Variants in TPM3 observed in about 807,000 individuals in gnomAD.
The protein encoded by TPM3 is tropomyosin alpha-3 chain.
Under a neutral mutation model 43.1 loss-of-function variants are expected in TPM3, and 16 were observed. The ratio of observed to expected loss-of-function variants is 0.37; its 90% CI spans 0.25 to 0.56. The LOEUF (loss-of-function observed/expected upper bound fraction) is 0.56. Among genes scored for constraint, TPM3 ranks in the 20% least tolerant of loss-of-function variants. The pLI is 0.77. For missense variants in TPM3, 176 were observed against 337.2 expected (o/e 0.52, Z 3.74); for synonymous variants, 101 against 116.9 (o/e 0.86, Z 0.88).
intron 2 of TPM3, among the ~76,000 whole-genome samples, chr1:154,185,650 C>T (rs1663383278): frequency 6.7e-6 from 1 of 150,266 alleles, no homozygotes; most frequent in Non-Finnish European, 1.5e-5. Flanking sequence ...GCAGAAGTTG[C>T]AGTGAGCCGA....
rs976117079 is a variant in TPM3 at position 154,164,228 on chromosome 1, C to T, written c.*3709G>A. ...CCAGGATGGAGTGCAGCAGTGTGAT[C>T]ACAGCTTGCTGCAGCCTCAGACTCC... On this transcript the variant is annotated 3_prime_UTR_variant, in exon 10 of 10. Coordinates refer to ENST00000651641, the MANE Select transcript of TPM3 (RefSeq NM_152263.4). Among the ~76,000 whole-genome samples, 5 of 152,154 alleles carry T rather than the reference C, an allele frequency of 3.3e-5. No homozygotes were observed. Among genetic ancestry groups the T allele is most frequent in the Admixed American group, 3.3e-4 (5 of 15,274 alleles).
Position 154,164,895 on chromosome 1 carries a change from TTA to T in TPM3, c.*3040_*3041del, listed in dbSNP as rs1188280788. Among the ~76,000 whole-genome samples the T allele has an allele frequency of 1.3e-5, 2 of 152,248 alleles. No homozygotes were observed. The highest frequency in any genetic ancestry group is 1.3e-4 in the Admixed American group (2 of 15,290). On this transcript the variant is annotated 3_prime_UTR_variant, in exon 10 of 10. Coordinates refer to ENST00000651641, the MANE Select transcript of TPM3 (RefSeq NM_152263.4). ...AAATTAGTTACCAAATTAATTCTTC[TTA>T]TATGTTATTCAGATCACAACATATC...
At chr1:154,172,847 C>T in intron 5 of TPM3, 61 bp downstream of exon 5, 3 of 1,595,392 alleles carry the variant, frequency 1.9e-6, no homozygotes, top group Non-Finnish European at 2.6e-6. Context: ...CATATTAGTG[C>T]CCAAGCCAAA....
chr1:154,156,908 A>G (rs1202613122), downstream of TPM3: 1 of 197,140 alleles, frequency 5.1e-6, no homozygotes, highest in Non-Finnish European at 1.1e-5. Context: ...GACATGATCC[A>G]TTCTGTAAGC....
intron 7 of TPM3, 28 bp from the exon 8 acceptor site, chr1:154,170,497 C>G (rs371680179): frequency 1.9e-6 from 3 of 1,613,304 alleles, no homozygotes; most frequent in Non-Finnish European, 2.5e-6. Context: ...TTAGTCAGAA[C>G]CAGAGATGAA....
intron 9 of TPM3, 131 bp from the exon 10 acceptor site, chr1:154,168,071 G>T: frequency 7.5e-7 from 1 of 1,337,640 alleles, no homozygotes; most frequent in Non-Finnish European, 1.1e-6. Context: ...AGACACTTCA[G>T]CCTGAGAAAT....
chr1:154,167,400 C>T lies in TPM3; in HGVS notation c.*537G>A, dbSNP rs1328864394. Reference sequence around the variant, plus strand: ...TGTGTATTGAGAGTCACTTCAATGGCTTCTCAATGACACCACACCAAAGGA... The same window carrying T: ...TGTGTATTGAGAGTCACTTCAATGGTTTCTCAATGACACCACACCAAAGGA... On this transcript the variant is annotated 3_prime_UTR_variant, in exon 10 of 10. Transcript: ENST00000651641. 1 of 1,064,026 alleles carries T rather than the reference C, an allele frequency of 9.4e-7. No individual in the cohort carries two copies. Among genetic ancestry groups the T allele is most frequent in the Non-Finnish European group, 1.1e-6 (1 of 878,090 alleles). 65.9% of individuals were successfully genotyped at this position (1,064,026 alleles called of 1,614,324 possible).
In TPM3 at chr1:154,164,461, A is replaced by G. The variant is rs1571374591; in HGVS notation, c.*3476T>C. Reference sequence around the variant, plus strand: ...AGGCATGAGCCACTGCACCCGGCTAATTCTCCTACTCTAAAAACCAGTCAT... The same window carrying G: ...AGGCATGAGCCACTGCACCCGGCTAGTTCTCCTACTCTAAAAACCAGTCAT... On this transcript the variant is annotated 3_prime_UTR_variant, in exon 10 of 10. Coordinates refer to ENST00000651641, the MANE Select transcript of TPM3 (RefSeq NM_152263.4). Among the ~76,000 whole-genome samples, 1 of 152,218 alleles carries G rather than the reference A, an allele frequency of 6.6e-6. No individual in the cohort carries two copies. Among genetic ancestry groups the G allele is most frequent in the South Asian group, 2.1e-4 (1 of 4,822 alleles).
chr1:154,173,525 G>A (rs1471022153), intron 3 of TPM3, among the ~76,000 whole-genome samples: 4 of 152,124 alleles, frequency 2.6e-5, no homozygotes, highest in Non-Finnish European at 5.9e-5. Flanking sequence ...TTAGCTGGGC[G>A]TAGTGGCACA....
intron 2 of TPM3, among the ~76,000 whole-genome samples, chr1:154,177,912 C>A (rs1217673266): frequency 2.6e-5 from 4 of 152,216 alleles, no homozygotes; most frequent in Non-Finnish European, 4.4e-5. Context: ...AAGCTGAAAT[C>A]ATTAAGAAAC....
chr1:154,165,669 A>T lies in TPM3; in HGVS notation c.*2268T>A, dbSNP rs1364297426. ...CTGGGTGTGGTGGCAGGCGCCTGTG[A>T]TCTCAGCTACTCGGGAGGCTGAGGT... On this transcript the variant is annotated 3_prime_UTR_variant, in exon 10 of 10. Coordinates refer to ENST00000651641, the MANE Select transcript of TPM3 (RefSeq NM_152263.4). Among the ~76,000 whole-genome samples, 1 of 151,358 alleles carries T rather than the reference A, an allele frequency of 6.6e-6. No homozygotes were observed. Among genetic ancestry groups the T allele is most frequent in the Non-Finnish European group, 1.5e-5 (1 of 67,908 alleles).
intron 2 of TPM3, chr1:154,187,357 T>G: frequency 1.0e-6 from 1 of 984,830 alleles, no homozygotes; most frequent in Non-Finnish European, 1.2e-6. Context: ...GAAACCTTTC[T>G]TCTTGCTTGC....
In TPM3 at chr1:154,161,858, A is replaced by G. The variant is rs1289205211; in HGVS notation, c.*6079T>C. Among the ~76,000 whole-genome samples the G allele has an allele frequency of 6.6e-6, 1 of 152,146 alleles. No homozygotes were observed. The highest frequency in any genetic ancestry group is 1.5e-5 in the Non-Finnish European group (1 of 68,018). On this transcript the variant is annotated 3_prime_UTR_variant, in exon 10 of 10. Coordinates refer to ENST00000651641, the MANE Select transcript of TPM3 (RefSeq NM_152263.4). Reference sequence around the variant, plus strand: ...TGCCTGACTAAATCACAGAACACAGAGTTTCCTAGGAATTGCATGAGGTCA... The same window carrying G: ...TGCCTGACTAAATCACAGAACACAGGGTTTCCTAGGAATTGCATGAGGTCA...
At chr1:154,158,990 C>T (rs758775518), downstream of TPM3, 12 of 780,522 alleles carry the variant, frequency 1.5e-5, no homozygotes, top group Admixed American at 1.0e-4. Flanking sequence ...GATCATGCAG[C>T]GTTAGCTTCA....
chr1:154,174,407 T>TATATATATACATAC lies in TPM3; in HGVS notation c.378-1207_378-1206insGTATGTATATATAT, dbSNP rs1261318136. On this transcript the variant is annotated intron_variant, in intron 3 of 9. Coordinates refer to ENST00000651641, the MANE Select transcript of TPM3 (RefSeq NM_152263.4). The stretch of plus-strand genomic sequence containing the variant: ...ATATATATATATATATATATATATA[T>TATATATATACATAC]ACACACAAAAATCCCATCCCAGCTT... Among the ~76,000 whole-genome samples, 26 of 72,690 alleles carry TATATATATACATAC rather than the reference T, an allele frequency of 3.6e-4. 1 individual carries two copies. Among genetic ancestry groups the TATATATATACATAC allele is most frequent in the Admixed American group, 3.9e-4 (2 of 5,164 alleles). The allele number at this position is 72,690 out of a possible 152,430, so 47.7% of individuals were successfully genotyped here. A position where few individuals can be genotyped will look rare whatever the true frequency, so the allele number is the denominator to read the frequency against.
At chr1:154,176,402 C>T (rs934952242) in intron 2 of TPM3, among the ~76,000 whole-genome samples, 154 bp from the exon 3 acceptor site, 10 of 152,070 alleles carry the variant, frequency 6.6e-5, no homozygotes, top group African/African-American at 2.4e-4. Context: ...ATCTAGCAGA[C>T]ATAACTTTAT....
intron 2 of TPM3, chr1:154,183,323 G>A: frequency 1.4e-6 from 2 of 1,469,908 alleles, no homozygotes; most frequent in Non-Finnish European, 1.8e-6. Context: ...GCGGCAGGGA[G>A]TGGATCCTCC....
At chr1:154,189,782 G>C (rs1235903483) in intron 2 of TPM3, among the ~76,000 whole-genome samples, 1 of 110,290 alleles carries the variant, frequency 9.1e-6, no homozygotes. Context: ...TGGGCAACAA[G>C]AGTGAAACCC....
intron 7 of TPM3, 53 bp from the exon 8 acceptor site, chr1:154,170,522 A>C: frequency 6.2e-7 from 1 of 1,608,516 alleles, no homozygotes; most frequent in Non-Finnish European, 8.5e-7. Context: ...AAGAAGAACA[A>C]TCTCTATTTC....
Sources: gnomAD v4.1 joint callset for allele counts (sites outside exome capture counted in the v4.1 genomes callset) on GRCh38, gnomAD v4.1.1 for gene constraint, MANE v1.5 for transcripts, NCBI Gene and HGNC (gene_info 2026-07-23, HGNC 2026-07-21) for gene names.